The following IGF2BP3 variants were observed in gnomAD, a reference collection of about 807,000 sequenced individuals.
The protein encoded by IGF2BP3 is insulin-like growth factor 2 mRNA-binding protein 3.
IGF2BP3 carries 9 observed loss-of-function variants against 73.8 expected under a neutral mutation model. That is an observed-to-expected ratio of 0.12 (90% CI 0.07 to 0.21). The LOEUF (loss-of-function observed/expected upper bound fraction) is 0.21, where lower values mean the gene tolerates loss of function less well. Among genes scored for constraint, IGF2BP3 ranks in the 10% least tolerant of loss-of-function variants. The pLI, the probability that IGF2BP3 is intolerant of heterozygous loss-of-function variation, is 1.00. For missense variants in IGF2BP3, 542 were observed against 714.0 expected, an observed-to-expected ratio of 0.76 and a Z score of 2.75; for synonymous variants, 258 against 256.7, an observed-to-expected ratio of 1.01 and a Z score of -0.05.
At chr7:23,363,003 C>T (rs868101789) in intron 3 of IGF2BP3, among the ~76,000 whole-genome samples, 8 of 151,846 alleles carry the variant, frequency 5.3e-5, no homozygotes, top group African/African-American at 1.9e-4. Flanking sequence ...GATCCTCCTG[C>T]CCTGGCCTCC....
At chr7:23,395,033 G>A (rs1312861203) in intron 3 of IGF2BP3, among the ~76,000 whole-genome samples, 3 of 152,156 alleles carry the variant, frequency 2.0e-5, no homozygotes, top group African/African-American at 7.2e-5. Flanking sequence ...GCTCAGAGGA[G>A]CTTAGCATTA....
chr7:23,401,607 A>G (rs1786666542), intron 3 of IGF2BP3, among the ~76,000 whole-genome samples: 1 of 151,690 alleles, frequency 6.6e-6, no homozygotes, highest in African/African-American at 2.4e-5. Context: ...TCTACTAAAA[A>G]TACAAAAATT....
intron 2 of IGF2BP3, among the ~76,000 whole-genome samples, chr7:23,423,396 T>C (rs951826664): frequency 6.6e-6 from 1 of 152,266 alleles, no homozygotes; most frequent in Non-Finnish European, 1.5e-5. Flanking sequence ...TGATTCTAAA[T>C]ACTTACAAGT....
intron 3 of IGF2BP3, among the ~76,000 whole-genome samples, chr7:23,400,385 C>A (rs1330506825): frequency 6.6e-6 from 1 of 152,178 alleles, no homozygotes; most frequent in Admixed American, 6.5e-5. Flanking sequence ...TAGAGAGCCA[C>A]AGCTGACCTT....
At chr7:23,441,500 G>A (rs1017197594) in intron 2 of IGF2BP3, among the ~76,000 whole-genome samples, 1 of 150,266 alleles carries the variant, frequency 6.7e-6, no homozygotes, top group Non-Finnish European at 1.5e-5. Context: ...TTGAACCCGG[G>A]AGGCCGAGGT....
At chr7:23,396,550 A>G (rs991063325) in intron 3 of IGF2BP3, 2 of 159,854 alleles carry the variant, frequency 1.3e-5, no homozygotes, top group South Asian at 1.7e-4. Flanking sequence ...GCAAGCCTAC[A>G]TGTTAAGTGC....
chr7:23,431,716 T>C (rs1303391234), intron 2 of IGF2BP3, among the ~76,000 whole-genome samples: 2 of 152,162 alleles, frequency 1.3e-5, no homozygotes, highest in Admixed American at 6.5e-5. Flanking sequence ...GAACCACCTA[T>C]GTTAGAATCA....
chr7:23,441,976 A>C (rs1384835644), intron 2 of IGF2BP3, among the ~76,000 whole-genome samples: 1 of 151,994 alleles, frequency 6.6e-6, no homozygotes, highest in African/African-American at 2.4e-5. Flanking sequence ...AATACAAAAA[A>C]ATTAGCCGGG....
At chr7:23,405,346 G>A (rs1786792802) in intron 3 of IGF2BP3, among the ~76,000 whole-genome samples, 1 of 152,204 alleles carries the variant, frequency 6.6e-6, no homozygotes, top group Non-Finnish European at 1.5e-5. Flanking sequence ...ATAATTTGAA[G>A]ACTCAAAGTA....
At chr7:23,462,221 T>A (rs1358311741) in intron 2 of IGF2BP3, among the ~76,000 whole-genome samples, 1 of 152,226 alleles carries the variant, frequency 6.6e-6, no homozygotes, top group Non-Finnish European at 1.5e-5. Context: ...GTGGTTTGCT[T>A]ATGCAGCAAT....
intron 5 of IGF2BP3, among the ~76,000 whole-genome samples, chr7:23,359,351 C>T (rs1197567178): frequency 6.6e-6 from 1 of 152,190 alleles, no homozygotes; most frequent in Non-Finnish European, 1.5e-5. Context: ...ATCTACATAG[C>T]TTATGTCTCC....
In IGF2BP3 at chr7:23,352,837, G is replaced by A. The variant is rs147725000; in HGVS notation, c.402-1251C>T. Among the ~76,000 whole-genome samples the A allele has an allele frequency of 1.8e-3, 268 of 152,128 alleles. 3 individuals carry two copies. Among genetic ancestry groups the A allele is most frequent in the African/African-American group, 6.1e-3 (254 of 41,490 alleles). On this transcript the variant is annotated intron_variant, in intron 5 of 14. Coordinates refer to ENST00000258729, the MANE Select transcript of IGF2BP3 (RefSeq NM_006547.3). ...TATGTAAATATATATGAGTATACATGATATGTATTTTCTCATATCTGGAAA... is the reference window on the plus strand; with the variant it reads ...TATGTAAATATATATGAGTATACATAATATGTATTTTCTCATATCTGGAAA...
chr7:23,390,770 C>G (rs913689022), intron 3 of IGF2BP3, among the ~76,000 whole-genome samples: 1 of 150,810 alleles, frequency 6.6e-6, no homozygotes, highest in Admixed American at 6.6e-5. Flanking sequence ...AACTTTACAG[C>G]TGTTTTTGTC....
intron 2 of IGF2BP3, among the ~76,000 whole-genome samples, chr7:23,434,483 G>C (rs977852023): frequency 1.3e-5 from 2 of 152,110 alleles, no homozygotes; most frequent in Non-Finnish European, 2.9e-5. Context: ...CTACAAGTAG[G>C]CAAAGAAAAT....
intron 1 of IGF2BP3, 35 bp from the exon 2 acceptor site, chr7:23,468,577 G>A (rs746833224): frequency 2.5e-6 from 4 of 1,608,010 alleles, no homozygotes; most frequent in Non-Finnish European, 3.4e-6. Context: ...GGTCGGCCGA[G>A]TTCAGCGGCT....
chr7:23,365,432 C>A (rs1236768262), intron 3 of IGF2BP3, among the ~76,000 whole-genome samples: 1 of 152,164 alleles, frequency 6.6e-6, no homozygotes, highest in Non-Finnish European at 1.5e-5. Context: ...CACCTGTGAT[C>A]TATAAACAAT....
intron 3 of IGF2BP3, among the ~76,000 whole-genome samples, chr7:23,375,367 C>G (rs139729127): frequency 6.6e-6 from 1 of 152,192 alleles, no homozygotes; most frequent in East Asian, 1.9e-4. Context: ...CATTCCACCC[C>G]CTTCAGGCAT....
chr7:23,375,754 C>A (rs994453518), intron 3 of IGF2BP3, among the ~76,000 whole-genome samples: 1 of 152,144 alleles, frequency 6.6e-6, no homozygotes, highest in Non-Finnish European at 1.5e-5. Flanking sequence ...GCATTTTACC[C>A]ACTACCCCTA....
intron 10 of IGF2BP3, among the ~76,000 whole-genome samples, chr7:23,337,865 G>C (rs1784612024): frequency 6.6e-6 from 1 of 152,144 alleles, no homozygotes. Context: ...GCTGGAAACA[G>C]ACCCAATAGT....
Sources: allele counts gnomAD v4.1 joint callset (sites outside exome capture counted in the v4.1 genomes callset), GRCh38; gene constraint gnomAD v4.1.1; transcripts MANE v1.5; gene names NCBI Gene and HGNC (gene_info 2026-07-23, HGNC 2026-07-21).